BTNL8: variants seen among roughly 807,000 people sequenced by gnomAD.
The protein encoded by BTNL8 is butyrophilin like 8.
Under a neutral mutation model 36.1 loss-of-function variants are expected in BTNL8, and 22 were observed. That is an observed-to-expected ratio of 0.61 (90% CI 0.44 to 0.87). BTNL8 has a LOEUF of 0.87. Among genes scored for constraint, BTNL8 ranks in the 40% least tolerant of loss-of-function variants. The pLI is 0.00. For synonymous variants in BTNL8, 203 were observed against 235.6 expected (o/e 0.86, Z 1.27); for missense variants, 526 against 616.9 (o/e 0.85, Z 1.56).
chr5:180,909,215 C>A (rs1757271417), intron 2 of BTNL8, among the ~76,000 whole-genome samples: 1 of 152,144 alleles, frequency 6.6e-6, no homozygotes, highest in Non-Finnish European at 1.5e-5. Flanking sequence ...CAGCCCCTGC[C>A]TGGGGTTTTC....
At chr5:180,922,094 A>G (rs1253636633) in intron 3 of BTNL8, among the ~76,000 whole-genome samples, 1 of 151,304 alleles carries the variant, frequency 6.6e-6, no homozygotes, top group Non-Finnish European at 1.5e-5. Flanking sequence ...TCTTTTCTTT[A>G]TTAGCCTAGC....
chr5:180,945,936 G>A (rs1759217622), intron 3 of BTNL8: 1 of 201,812 alleles, frequency 5.0e-6, no homozygotes. Flanking sequence ...ATTATCCAAG[G>A]CATCTACGCA....
chr5:180,934,991 G>A (rs62406735), intron 3 of BTNL8, among the ~76,000 whole-genome samples: 35,946 of 152,014 alleles, frequency 0.24, 4,951 homozygotes, highest in Admixed American at 0.3. Context: ...CAATTCTCAG[G>A]AGACCTGAAG....
chr5:180,924,375 C>T (rs1246748007), intron 3 of BTNL8, among the ~76,000 whole-genome samples: 1 of 152,216 alleles, frequency 6.6e-6, no homozygotes, highest in African/African-American at 2.4e-5. Flanking sequence ...GCAGCAACCC[C>T]AGAAATCTCA....
chr5:180,927,133 A>G (rs1758140532), intron 3 of BTNL8, among the ~76,000 whole-genome samples: 1 of 152,206 alleles, frequency 6.6e-6, no homozygotes, highest in African/African-American at 2.4e-5. Flanking sequence ...AGGAGCAGGC[A>G]GCAATCTCTG....
At chr5:180,929,564 TAGTG>T (rs1758269815) in intron 3 of BTNL8, among the ~76,000 whole-genome samples, 1 of 151,984 alleles carries the variant, frequency 6.6e-6, no homozygotes, top group South Asian at 2.1e-4. Context: ...GATAGACCGT[TAGTG>T]AGACTAATAA....
At chr5:180,902,514 AG>A (rs1756867613) in intron 1 of BTNL8, 5 of 1,067,714 alleles carry the variant, frequency 4.7e-6, no homozygotes, top group Non-Finnish European at 6.8e-6. Flanking sequence ...CACACTATAA[AG>A]GGTTTTTTTT....
Position 180,950,539 on chromosome 5 carries a change from A to G in BTNL8, c.1498A>G (p.Met500Val), listed in dbSNP as rs755203031. The change falls in exon 8 of 8, where the codon ATG becomes GTG. Residue 500 changes from methionine to valine, a missense_variant. Coordinates refer to ENST00000340184, the MANE Select transcript of BTNL8 (RefSeq NM_001040462.3). ...ATTPFLPRGEM is the reference protein window; with the variant it reads ...ATTPFLPRGEV ...CACGCCCTTCCTCCCCAGGGGTGAA[A>G]TGTAGGATGAATCACATCCCACATT... 3.4e-6 allele frequency: 5 copies of G among 1,461,440 alleles called. 1 individual carries two copies. In the Admixed American group the frequency reaches 9.4e-5, roughly 27 times the overall value. 90.5% of individuals were successfully genotyped at this position (1,461,440 alleles called of 1,614,324 possible).
At chr5:180,938,380 CA>C (rs953156130) in intron 3 of BTNL8, among the ~76,000 whole-genome samples, 1 of 152,036 alleles carries the variant, frequency 6.6e-6, no homozygotes, top group Non-Finnish European at 1.5e-5. Flanking sequence ...ATATTCAACA[CA>C]AAAAGGTCCT....
intron 3 of BTNL8, among the ~76,000 whole-genome samples, chr5:180,936,428 T>A (rs1056767142): frequency 6.6e-6 from 1 of 151,988 alleles, no homozygotes; most frequent in African/African-American, 2.4e-5. Flanking sequence ...CAAAGATCAG[T>A]TTCATTTCTA....
chr5:180,911,811 C>A (rs993708764), intron 3 of BTNL8, among the ~76,000 whole-genome samples, 197 bp downstream of exon 3: 1 of 152,058 alleles, frequency 6.6e-6, no homozygotes, highest in Non-Finnish European at 1.5e-5. Context: ...GTTTACAATT[C>A]CAGGGGAGTA....
intron 1 of BTNL8, among the ~76,000 whole-genome samples, chr5:180,907,804 G>T (rs1167288234): frequency 6.6e-6 from 1 of 151,626 alleles, no homozygotes; most frequent in Non-Finnish European, 1.5e-5. Flanking sequence ...TGCCCCTGCT[G>T]GGGGGTGCCT....
chr5:180,909,211 C>A (rs986376527), intron 2 of BTNL8, among the ~76,000 whole-genome samples: 25 of 152,144 alleles, frequency 1.6e-4, no homozygotes, highest in African/African-American at 6.0e-4. Context: ...TTCTCAGCCC[C>A]TGCCTGGGGT....
intron 3 of BTNL8, among the ~76,000 whole-genome samples, chr5:180,923,160 T>C (rs1757948468): frequency 6.6e-6 from 1 of 152,172 alleles, no homozygotes. Flanking sequence ...CTGTGCCTTT[T>C]AATTGGAGGA....
intron 7 of BTNL8, chr5:180,949,540 C>A: frequency 1.8e-6 from 1 of 565,208 alleles, no homozygotes; most frequent in Non-Finnish European, 3.0e-6. Context: ...AGTGACTGGT[C>A]AGGGGTCTGA....
chr5:180,931,300 A>G (rs1237039607), intron 3 of BTNL8, among the ~76,000 whole-genome samples: 4 of 152,208 alleles, frequency 2.6e-5, no homozygotes, highest in Non-Finnish European at 5.9e-5. Context: ...ACCTTATACA[A>G]AATTAACTCA....
chr5:180,909,422 C>A (rs2113778621), intron 2 of BTNL8: 1 of 404,846 alleles, frequency 2.5e-6, no homozygotes, highest in South Asian at 1.0e-4. Context: ...TTTAAATTAA[C>A]AAATAAAGAT....
intron 1 of BTNL8, chr5:180,902,296 TG>T: frequency 6.7e-7 from 1 of 1,492,810 alleles, no homozygotes; most frequent in Non-Finnish European, 9.1e-7. Flanking sequence ...CTGGATAACA[TG>T]GTTTTCTCAT....
At chr5:180,910,578 TCC>T (rs1323950223) in intron 2 of BTNL8, among the ~76,000 whole-genome samples, 4 of 152,352 alleles carry the variant, frequency 2.6e-5, no homozygotes, top group East Asian at 1.9e-4. Context: ...GCAGTTAGCT[TCC>T]CTCATGCTAA....
Sources: allele counts gnomAD v4.1 joint callset (sites outside exome capture counted in the v4.1 genomes callset), GRCh38; gene constraint gnomAD v4.1.1; transcripts MANE v1.5; gene names NCBI Gene and HGNC (gene_info 2026-07-23, HGNC 2026-07-21).